SPIB: variants seen among roughly 807,000 people sequenced by gnomAD.
SPIB encodes the protein transcription factor Spi-B.
A neutral mutation model predicts 31.9 loss-of-function variants in SPIB; 7 were observed. That is an observed-to-expected ratio of 0.22 (90% CI 0.12 to 0.41). The LOEUF (loss-of-function observed/expected upper bound fraction) is 0.41. Among genes scored for constraint, SPIB ranks in the 10% least tolerant of loss-of-function variants. SPIB has a pLI of 1.00. For synonymous variants in SPIB, 176 were observed against 158.9 expected (o/e 1.11, Z -0.81); for missense variants, 327 against 360.2 (o/e 0.91, Z 0.75).
At chr19:50,422,332 T>C in intron 2 of SPIB, 141 bp from the exon 3 acceptor site, 2 of 632,888 alleles carry the variant, frequency 3.2e-6, no homozygotes, top group East Asian at 5.6e-5. Flanking sequence ...CTAGTCTCTG[T>C]GTTTCTTTGT....
intron 3 of SPIB, 39 bp from the exon 4 acceptor site, chr19:50,422,784 T>TCCTC: frequency 7.3e-7 from 1 of 1,370,646 alleles, no homozygotes; most frequent in Non-Finnish European, 1.0e-6. Flanking sequence ...GAGGCCTCCG[T>TCCTC]GAGACATCCC....
intron 5 of SPIB, among the ~76,000 whole-genome samples, chr19:50,427,487 T>C (rs1428340054): frequency 6.6e-6 from 1 of 152,218 alleles, no homozygotes; most frequent in African/African-American, 2.4e-5. Flanking sequence ...ATTGCGCCAT[T>C]GCACTCCAGC....
In SPIB at chr19:50,423,008, G is replaced by C. The variant is rs11546996; in HGVS notation, c.310G>C (p.Ala104Pro). ...SLEAPGPGLP[A>P]YPTENFASQT... is the part of the protein sequence containing the mutation. ...GGAGGCCCCGGGGCCTGGCCTCCCT[G>C]CATACCCCACGGAGAACTTCGCTAG... The change falls in exon 4 of 6, where the codon GCA (alanine) becomes CCA (proline). Residue 104 changes from alanine (A) to proline (P), a missense_variant. Physicochemically the swap from Ala to Pro is conservative, Grantham distance 27. Coordinates refer to ENST00000595883, the MANE Select transcript of SPIB (RefSeq NM_003121.5). The C allele has an allele frequency of 0.72, 1,083,710 of 1,508,458 alleles. 405,515 individuals are homozygous for C. The highest frequency in any genetic ancestry group is 0.77 in the Non-Finnish European group (859,832 of 1,115,902). 93.4% of individuals were successfully genotyped at this position (1,508,458 alleles called of 1,614,324 possible).
chr19:50,422,786 A>G, intron 3 of SPIB, 37 bp from the exon 4 acceptor site: 1 of 1,391,964 alleles, frequency 7.2e-7, no homozygotes, highest in South Asian at 1.3e-5. Flanking sequence ...GGCCTCCGTG[A>G]GACATCCCAG....
intron 2 of SPIB, among the ~76,000 whole-genome samples, chr19:50,420,229 C>G (rs1601259764): frequency 6.6e-6 from 1 of 152,028 alleles, no homozygotes. Flanking sequence ...TTTCATGTTC[C>G]TTTCCTTCTT....
intron 5 of SPIB, among the ~76,000 whole-genome samples, chr19:50,425,357 C>T (rs2039552023): frequency 6.6e-6 from 1 of 152,178 alleles, no homozygotes; most frequent in Non-Finnish European, 1.5e-5. Context: ...TTAATTAAGT[C>T]ACCTATTTTA....
intron 1 of SPIB, 53 bp downstream of exon 1, chr19:50,419,038 C>A: frequency 6.5e-7 from 1 of 1,545,912 alleles, no homozygotes; most frequent in Non-Finnish European, 8.7e-7. Flanking sequence ...CACTGCCCCT[C>A]TGTGGGGCCT....
In SPIB at chr19:50,423,531, G is replaced by A. The variant is rs550102946; in HGVS notation, c.340-74G>A. ...GGAGACCAGAGCCAGGAGGGCCACC[G>A]CCTTGGCCTGAGAGGAGGAAGTGGA... On this transcript the variant is annotated intron_variant, in intron 4 of 5. Transcript: ENST00000595883. The A allele has an allele frequency of 3.5e-4, 547 of 1,564,588 alleles. 7 individuals are homozygous for A. The South Asian group carries it at 5.7e-3, about 16-fold the overall frequency.
chr19:50,425,417 A>G (rs1248464760), intron 5 of SPIB, among the ~76,000 whole-genome samples: 2 of 152,150 alleles, frequency 1.3e-5, no homozygotes, highest in African/African-American at 4.8e-5. Context: ...TAGGAAAGAC[A>G]CAAGATGGAA....
intron 2 of SPIB, 23 bp from the exon 3 acceptor site, chr19:50,422,450 T>C (rs1297242717): frequency 5.6e-6 from 9 of 1,611,910 alleles, no homozygotes; most frequent in Non-Finnish European, 7.6e-6. Flanking sequence ...ATGACCCCTC[T>C]TCCCTCCTGC....
At chr19:50,426,422 G>T (rs1043770504) in intron 5 of SPIB, among the ~76,000 whole-genome samples, 8 of 152,168 alleles carry the variant, frequency 5.3e-5, no homozygotes, top group Admixed American at 3.9e-4. Flanking sequence ...GAGGAACTCG[G>T]GGAGGGAGAT....
intron 5 of SPIB, among the ~76,000 whole-genome samples, chr19:50,427,263 GC>G (rs780067361): frequency 1.7e-4 from 26 of 150,050 alleles, no homozygotes; most frequent in Non-Finnish European, 3.6e-4. Flanking sequence ...AGTGGCTCAT[GC>G]CTGTAATCCC....
In SPIB at chr19:50,428,198, G is replaced by A. The variant is rs753549499; in HGVS notation, c.651G>A (p.Gly217=). 1.9e-6 allele frequency: 3 copies of A among 1,589,440 alleles called. No individual in the cohort carries two copies. In the Admixed American group the frequency reaches 5.3e-5, roughly 28 times the overall value. Residue 217 remains glycine, a synonymous_variant, in exon 6 of 6, where the codon GGG becomes GGA. Transcript: ENST00000595883. This position sits in a 1 kb window ranked among gnomAD's most constrained non-coding sequence, Gnocchi z 6.5. The part of the protein sequence containing the change: ...LLARRWGQQK[G]NRKRMTYQKL... The stretch of plus-strand genomic sequence containing the variant: ...CGCGCCGCTGGGGCCAGCAGAAGGG[G>A]AACCGCAAGCGCATGACCTACCAGA...
chr19:50,419,931 T>C lies in SPIB; in HGVS notation c.24-15T>C. ...GAGGCAGCCTCAGCATGCCCCTGTG[T>C]CTCTCCCCCTCCAGGCTCGACGGGC... On this transcript the variant is annotated splice_polypyrimidine_tract_variant and intron_variant, in intron 1 of 5. Coordinates refer to ENST00000595883, the MANE Select transcript of SPIB (RefSeq NM_003121.5). The C allele has an allele frequency of 6.5e-7, 1 of 1,538,692 alleles. No homozygotes were observed.
At chr19:50,420,019 C>T (rs1281198329) in intron 2 of SPIB, 46 bp downstream of exon 2, 2 of 1,408,952 alleles carry the variant, frequency 1.4e-6, no homozygotes, top group Non-Finnish European at 1.9e-6. Context: ...CCCACAGTGA[C>T]CTCCCTCAGA....
rs2039634720 is a variant in SPIB at position 50,430,988 on chromosome 19, T to A, written c.*2652T>A. 6.6e-6 allele frequency: 1 copy of A among 152,218 alleles called. No homozygotes were observed. Among genetic ancestry groups the A allele is most frequent in the South Asian group, 2.1e-4 (1 of 4,834 alleles). The allele number at this position is 152,218 out of a possible 1,614,324, so 9.4% of individuals were successfully genotyped here. A position where few individuals can be genotyped will look rare whatever the true frequency, so the allele number is the denominator to read the frequency against. On this transcript the variant is annotated 3_prime_UTR_variant, in exon 6 of 6. Coordinates refer to ENST00000595883, the MANE Select transcript of SPIB (RefSeq NM_003121.5). ...GGGCCCCCTGCAACGGGGAAGGTAC[T>A]TTTTACAAAAGCTATCATTGTCACC...
chr19:50,418,993 AGGGCCCCCAAACCTGCACCCG>A lies in SPIB; in HGVS notation c.23+12_23+32del. The A allele has an allele frequency of 1.3e-6, 2 of 1,552,370 alleles. No individual in the cohort carries two copies. Among genetic ancestry groups the A allele is most frequent in the Non-Finnish European group, 1.7e-6 (2 of 1,148,088 alleles). ...CGCCCTGGAGGCTGCACAGTAAGTG[AGGGCCCCCAAACCTGCACCCG>A]GGGTCCCCACCTGCACTGCCCCTCT... On this transcript the variant is annotated intron_variant, in intron 1 of 5. Transcript: ENST00000595883. This position sits in a 1 kb window ranked among gnomAD's most constrained non-coding sequence, Gnocchi z 6.0.
rs746567613 is a variant in SPIB at position 50,423,653 on chromosome 19, G to A, written c.388G>A (p.Glu130Lys). 1.2e-6 allele frequency: 2 copies of A among 1,614,096 alleles called. No individual in the cohort carries two copies. The highest frequency in any genetic ancestry group is 1.1e-5 in the South Asian group (1 of 91,064). Residue 130 changes from glutamate to lysine, a missense_variant, in exon 5 of 6, where the codon GAG becomes AAG. Coordinates refer to ENST00000595883, the MANE Select transcript of SPIB (RefSeq NM_003121.5). ...YAPYPSPVLSEEEDLPLDSPA... is the reference protein window; with the variant it reads ...YAPYPSPVLSKEEDLPLDSPA... Reference sequence around the variant, plus strand: ...CCCGTACCCCAGCCCTGTGCTATCAGAGGAGGAAGACTTACCGTTGGACAG... The same window carrying A: ...CCCGTACCCCAGCCCTGTGCTATCAAAGGAGGAAGACTTACCGTTGGACAG...
chr19:50,419,015 G>A (rs765181026), intron 1 of SPIB, 30 bp downstream of exon 1: 1 of 1,550,606 alleles, frequency 6.4e-7, no homozygotes, highest in Admixed American at 2.0e-5. Flanking sequence ...CCTGCACCCG[G>A]GGTCCCCACC....
Sources: gnomAD v4.1 joint callset for allele counts (sites outside exome capture counted in the v4.1 genomes callset) on GRCh38, gnomAD v4.1.1 for gene constraint, Gnocchi (gnomAD v3.1) non-coding constraint, MANE v1.5 for transcripts, NCBI Gene and HGNC (gene_info 2026-07-23, HGNC 2026-07-21) for gene names.